WNK1: variants seen among roughly 807,000 people sequenced by gnomAD.
WNK1 encodes serine/threonine-protein kinase WNK1.
Under a neutral mutation model 222.8 loss-of-function variants are expected in WNK1, and 38 were observed. That is an observed-to-expected ratio of 0.17 (90% confidence interval 0.13 to 0.22). The LOEUF is 0.22. WNK1 is among the 10% of genes least tolerant of loss of function. The probability of loss-of-function intolerance (pLI) is 1.00; values close to 1 mark genes in which losing one functional copy is unlikely to be tolerated. For missense variants in WNK1, 2,348 were observed against 2,918.4 expected (o/e 0.80, Z 4.50); for synonymous variants, 1,090 against 1,092.9 (o/e 1.00, Z 0.05).
At chr12:903,873 A>G (rs2154100550) in intron 26 of WNK1, among the ~76,000 whole-genome samples, 1 of 152,324 alleles carries the variant, frequency 6.6e-6, no homozygotes, top group East Asian at 1.9e-4. Flanking sequence ...GCTTACTGCT[A>G]TATTTATGTT....
At chr12:810,232 G>A (rs1226458312) in intron 1 of WNK1, among the ~76,000 whole-genome samples, 1 of 150,878 alleles carries the variant, frequency 6.6e-6, no homozygotes, top group Non-Finnish European at 1.5e-5. Context: ...GTGCGACAGA[G>A]CAAGACTCCG....
intron 1 of WNK1, among the ~76,000 whole-genome samples, chr12:784,283 A>AT (rs1375267815): frequency 1.3e-5 from 2 of 151,724 alleles, no homozygotes; most frequent in East Asian, 1.9e-4. Flanking sequence ...TCTTGAAGGA[A>AT]TTTTTTTTTA....
chr12:890,328 A>G (rs1200156622), intron 21 of WNK1, 125 bp from the exon 22 acceptor site: 4 of 949,760 alleles, frequency 4.2e-6, no homozygotes, highest in East Asian at 5.0e-5. Context: ...GTTCTCAGAC[A>G]TAAGTGTTTC....
intron 4 of WNK1, among the ~76,000 whole-genome samples, chr12:834,303 G>A (rs1949021850): frequency 1.3e-5 from 2 of 152,202 alleles, no homozygotes; most frequent in African/African-American, 4.8e-5. Flanking sequence ...AGAGCAGAGA[G>A]TTTCCGGTTG....
chr12:862,052 T>C, intron 7 of WNK1, 31 bp from the exon 8 acceptor site: 1 of 1,612,808 alleles, frequency 6.2e-7, no homozygotes, highest in South Asian at 1.1e-5. Flanking sequence ...TTTCTCTCTC[T>C]CTTTTTTTTG....
chr12:875,063 G>A (rs993160213), intron 9 of WNK1, among the ~76,000 whole-genome samples: 3 of 152,158 alleles, frequency 2.0e-5, no homozygotes, highest in Admixed American at 1.3e-4. Flanking sequence ...AATGTGAAAG[G>A]CCCTAAGATA....
chr12:794,382 AG>A (rs1286823172), intron 1 of WNK1, among the ~76,000 whole-genome samples: 1 of 152,158 alleles, frequency 6.6e-6, no homozygotes, highest in African/African-American at 2.4e-5. Flanking sequence ...GCAGCGAATG[AG>A]GGTTCCAATT....
intron 25 of WNK1, 49 bp from the exon 26 acceptor site, chr12:900,427 C>T: frequency 6.3e-7 from 1 of 1,599,284 alleles, no homozygotes; most frequent in Non-Finnish European, 8.6e-7. Flanking sequence ...CTGATGAGTG[C>T]ATGGGAAGAG....
chr12:872,521 C>T (rs2154075461), intron 9 of WNK1, among the ~76,000 whole-genome samples: 1 of 152,288 alleles, frequency 6.6e-6, no homozygotes, highest in South Asian at 2.1e-4. Flanking sequence ...ATACATCCAA[C>T]AGTAAAACTG....
chr12:778,740 T>TA (rs1943385456), intron 1 of WNK1, among the ~76,000 whole-genome samples: 1 of 151,670 alleles, frequency 6.6e-6, no homozygotes, highest in Non-Finnish European at 1.5e-5. Context: ...TATTAAAATA[T>TA]AAAATGATAA....
intron 1 of WNK1, among the ~76,000 whole-genome samples, chr12:764,073 A>C (rs1177411149): frequency 1.4e-5 from 2 of 147,254 alleles, no homozygotes; most frequent in East Asian, 2.0e-4. Flanking sequence ...GATGATTCCC[A>C]AAAATGTCTA....
chr12:847,012 A>G (rs1038987449), intron 4 of WNK1, among the ~76,000 whole-genome samples: 5 of 152,202 alleles, frequency 3.3e-5, no homozygotes, highest in African/African-American at 1.2e-4. Context: ...GAAAAGTTCC[A>G]GTACTAGGGG....
intron 4 of WNK1, among the ~76,000 whole-genome samples, chr12:849,355 G>C (rs1209808572): frequency 1.3e-5 from 2 of 152,126 alleles, no homozygotes; most frequent in Non-Finnish European, 2.9e-5. Context: ...ACTTTAATCT[G>C]TTACCCATTA....
At chr12:866,510 A>G (rs1037620146) in intron 8 of WNK1, among the ~76,000 whole-genome samples, 10 of 152,064 alleles carry the variant, frequency 6.6e-5, no homozygotes, top group South Asian at 4.2e-4. Flanking sequence ...CTACAGGCGC[A>G]TGCCACCACA....
chr12:813,316 A>G (rs376668111), intron 1 of WNK1, among the ~76,000 whole-genome samples: 48 of 152,342 alleles, frequency 3.2e-4, no homozygotes, highest in African/African-American at 1.1e-3. Flanking sequence ...ACTGGAATTT[A>G]TATTTAGGTC....
intron 20 of WNK1, among the ~76,000 whole-genome samples, chr12:887,690 G>C (rs77146062): frequency 6.6e-6 from 1 of 152,100 alleles, no homozygotes; most frequent in Admixed American, 6.5e-5. Flanking sequence ...GCACAATATG[G>C]CAACTGAGAA....
intron 1 of WNK1, among the ~76,000 whole-genome samples, chr12:754,935 A>C (rs983224343): frequency 6.6e-6 from 1 of 152,248 alleles, no homozygotes; most frequent in African/African-American, 2.4e-5. Flanking sequence ...AATGTCTTTC[A>C]GCCCATTCAC....
At chr12:803,091 G>A (rs1429917078) in intron 1 of WNK1, among the ~76,000 whole-genome samples, 1 of 152,124 alleles carries the variant, frequency 6.6e-6, no homozygotes, top group Non-Finnish European at 1.5e-5. Flanking sequence ...GGATTGATAA[G>A]CAGCTTCTAA....
intron 19 of WNK1, 141 bp downstream of exon 19, chr12:886,225 C>G: frequency 1.3e-6 from 1 of 757,496 alleles, no homozygotes. Flanking sequence ...AAATTGACAG[C>G]AGTTTGAGGG....
Sources: allele counts gnomAD v4.1 joint callset (sites outside exome capture counted in the v4.1 genomes callset), GRCh38; gene constraint gnomAD v4.1.1; transcripts MANE v1.5; gene names NCBI Gene and HGNC (gene_info 2026-07-23, HGNC 2026-07-21).